The following VPS53 variants were observed in gnomAD, a reference collection of about 807,000 sequenced individuals.
VPS53 encodes the protein vacuolar protein sorting-associated protein 53 homolog.
VPS53 carries 70 observed loss-of-function variants against 107.0 expected under a neutral mutation model. That is an observed-to-expected ratio of 0.65 (90% CI 0.54 to 0.80). VPS53 has a LOEUF of 0.80. VPS53 is among the 30% of genes least tolerant of loss of function. The probability of loss-of-function intolerance (pLI) is 0.00; values close to 1 mark genes in which losing one functional copy is unlikely to be tolerated. For synonymous variants in VPS53, 409 were observed against 393.3 expected (o/e 1.04, Z -0.47); for missense variants, 917 against 1,049.4 (o/e 0.87, Z 1.74).
intron 18 of VPS53, among the ~76,000 whole-genome samples, chr17:533,801 A>T (rs1055334824): frequency 6.6e-6 from 1 of 152,020 alleles, no homozygotes; most frequent in African/African-American, 2.4e-5. Flanking sequence ...GGTCTGAGAC[A>T]TAGGAGATGC....
At chr17:672,959 A>G (rs547482107) in intron 4 of VPS53, among the ~76,000 whole-genome samples, 6 of 152,004 alleles carry the variant, frequency 3.9e-5, no homozygotes, top group Admixed American at 1.3e-4. Context: ...AAAAATACAA[A>G]AAATTAACCG....
At chr17:583,122 TC>T (rs1458236531) in intron 13 of VPS53, among the ~76,000 whole-genome samples, 3 of 135,878 alleles carry the variant, frequency 2.2e-5, no homozygotes, top group East Asian at 2.3e-4. Flanking sequence ...CCTCAGGACC[TC>T]AATGCGTTCC....
intron 19 of VPS53, among the ~76,000 whole-genome samples, chr17:522,656 C>T (rs1908840290): frequency 6.6e-6 from 1 of 152,220 alleles, no homozygotes; most frequent in Non-Finnish European, 1.5e-5. Flanking sequence ...TTGAATTTCT[C>T]TGGATGTTAC....
intron 17 of VPS53, among the ~76,000 whole-genome samples, chr17:546,303 G>T: frequency 1.4e-5 from 2 of 140,766 alleles, no homozygotes; most frequent in African/African-American, 5.3e-5. Flanking sequence ...TATGATTCTG[G>T]ATCAGGCAAT....
intron 13 of VPS53, among the ~76,000 whole-genome samples, chr17:582,381 C>T (rs7502987): frequency 0.52 from 75,023 of 144,760 alleles, 21,394 homozygotes; most frequent in African/African-American, 0.65. Flanking sequence ...CCTCACAACC[C>T]AGTGCGTTCC....
chr17:571,491 C>T (rs1313635077), intron 13 of VPS53, among the ~76,000 whole-genome samples: 1 of 141,036 alleles, frequency 7.1e-6, no homozygotes, highest in African/African-American at 2.7e-5. Flanking sequence ...CTCTCCTTCT[C>T]CCTCTCCCTC....
At chr17:622,176 C>T (rs1969495260) in intron 11 of VPS53, among the ~76,000 whole-genome samples, 1 of 151,890 alleles carries the variant, frequency 6.6e-6, no homozygotes. Flanking sequence ...CGCCCCACTG[C>T]ACTCCAGCCT....
At chr17:709,566 C>T (rs1002276279) in intron 2 of VPS53, among the ~76,000 whole-genome samples, 1 of 152,192 alleles carries the variant, frequency 6.6e-6, no homozygotes, top group African/African-American at 2.4e-5. Context: ...TCGCCAGGGT[C>T]TCCCACCACT....
chr17:658,642 GAT>G (rs1232623092), intron 5 of VPS53, among the ~76,000 whole-genome samples: 6 of 145,856 alleles, frequency 4.1e-5, no homozygotes, highest in African/African-American at 7.6e-5. Context: ...ACTAAAGTGA[GAT>G]ACTCGGCCGT....
intron 10 of VPS53, among the ~76,000 whole-genome samples, chr17:625,827 C>T (rs1022145395): frequency 1.3e-5 from 2 of 152,118 alleles, no homozygotes; most frequent in Non-Finnish European, 2.9e-5. Context: ...ATAAAAAAGA[C>T]GGCCATGGAT....
chr17:659,279 ATTTAT>A (rs1390920303), intron 5 of VPS53, among the ~76,000 whole-genome samples: 1 of 151,664 alleles, frequency 6.6e-6, no homozygotes, highest in Admixed American at 6.6e-5. Context: ...GTCTTTATTT[ATTTAT>A]TTATTTTTTT....
intron 17 of VPS53, among the ~76,000 whole-genome samples, chr17:541,440 A>G (rs1910636085): frequency 6.7e-6 from 1 of 149,300 alleles, no homozygotes; most frequent in Non-Finnish European, 1.5e-5. Flanking sequence ...CCTACCATGC[A>G]CCAGGCACTG....
intron 4 of VPS53, among the ~76,000 whole-genome samples, chr17:664,650 C>T (rs1312026714): frequency 6.6e-6 from 1 of 152,150 alleles, no homozygotes; most frequent in African/African-American, 2.4e-5. Flanking sequence ...ACTGTCCTGG[C>T]TGCTGTGTGG....
intron 7 of VPS53, among the ~76,000 whole-genome samples, chr17:631,999 A>G (rs77071850): frequency 0.047 from 7,186 of 152,272 alleles, 554 homozygotes; most frequent in African/African-American, 0.16. Context: ...CTGGAATCCC[A>G]GCATGTGGGA....
rs1350897707 is a variant in VPS53 at position 562,878 on chromosome 17, C to A, written c.1314-133G>T. 48 of 999,980 alleles carry A rather than the reference C, an allele frequency of 4.8e-5. No individual in the cohort carries two copies. The South Asian group carries it at 7.0e-4, about 15-fold the overall frequency. The allele number at this position is 999,980 out of a possible 1,614,324, so 61.9% of individuals were successfully genotyped here. A position where few individuals can be genotyped will look rare whatever the true frequency, so the allele number is the denominator to read the frequency against. On this transcript the variant is annotated intron_variant, in intron 13 of 21. Transcript: ENST00000437048. ...CTGCATTTAAAACTTAAAATCGGAT[C>A]GATTTTAATCAATATCATCATTCAC...
chr17:699,405 C>T (rs1973112535), intron 2 of VPS53, 25 bp from the exon 3 acceptor site: 2 of 1,530,784 alleles, frequency 1.3e-6, no homozygotes, highest in Non-Finnish European at 1.7e-6. Context: ...GAAGAGTGCC[C>T]AGCTGTTAGT....
At chr17:596,049 C>T (rs1404761278) in intron 12 of VPS53, among the ~76,000 whole-genome samples, 1 of 152,172 alleles carries the variant, frequency 6.6e-6, no homozygotes, top group African/African-American at 2.4e-5. Context: ...TAGCTGTCCC[C>T]TGGAGGACGC....
At chr17:608,773 G>A (rs1342733877) in intron 11 of VPS53, among the ~76,000 whole-genome samples, 3 of 151,692 alleles carry the variant, frequency 2.0e-5, no homozygotes, top group Non-Finnish European at 4.4e-5. Context: ...ACACTACCAC[G>A]CCCTGCTCAT....
chr17:553,574 CTTTTTTTTTT>C, intron 15 of VPS53, 112 bp from the exon 16 acceptor site: 1 of 553,110 alleles, frequency 1.8e-6, no homozygotes, highest in East Asian at 3.3e-5. Context: ...ATTCCATACA[CTTTTTTTTTT>C]TTTTTTTTTG....
Sources: gnomAD v4.1 joint callset for allele counts (sites outside exome capture counted in the v4.1 genomes callset) on GRCh38, gnomAD v4.1.1 for gene constraint, MANE v1.5 for transcripts, NCBI Gene and HGNC (gene_info 2026-07-23, HGNC 2026-07-21) for gene names.